Variants in CNTRL observed in about 807,000 individuals in gnomAD.
CNTRL encodes centriolin.
A neutral mutation model predicts 303.7 loss-of-function variants in CNTRL; 233 were observed. That is an observed-to-expected ratio of 0.77 (90% CI 0.69 to 0.86). The LOEUF (loss-of-function observed/expected upper bound fraction) is 0.86. Ranked by LOEUF, CNTRL falls within the 40% of genes least tolerant of loss-of-function variation. The pLI is 0.00. For missense variants in CNTRL, 2,524 were observed against 2,650.6 expected (o/e 0.95, Z 1.05); for synonymous variants, 900 against 922.2 (o/e 0.98, Z 0.44).
chr9:121,126,408 T>G (rs2050526844), intron 14 of CNTRL, among the ~76,000 whole-genome samples: 1 of 152,220 alleles, frequency 6.6e-6, no homozygotes, highest in Non-Finnish European at 1.5e-5. Context: ...GAGATTTCCC[T>G]TGCTCTATTT....
intron 2 of CNTRL, among the ~76,000 whole-genome samples, chr9:121,087,806 G>T (rs188567287): frequency 2.5e-3 from 383 of 152,310 alleles, no homozygotes; most frequent in Non-Finnish European, 4.2e-3. Context: ...GAGGAGTTCT[G>T]ATGTTTAAAT....
intron 27 of CNTRL, among the ~76,000 whole-genome samples, chr9:121,155,914 A>C (rs1344029126): frequency 6.6e-6 from 1 of 152,186 alleles, no homozygotes. Context: ...GTATTTTGCT[A>C]TTTCAACATG....
At chr9:121,148,132 G>A (rs17220806) in intron 23 of CNTRL, among the ~76,000 whole-genome samples, 2,990 of 152,192 alleles carry the variant, frequency 0.02, 59 homozygotes, top group Admixed American at 0.039. Flanking sequence ...GCTGACACCC[G>A]GGAGTCTCAT....
Position 121,118,529 on chromosome 9 carries a change from G to C in CNTRL, c.1639G>C (p.Asp547His). The C allele has an allele frequency of 1.9e-6, 3 of 1,596,242 alleles. No individual in the cohort carries two copies. The highest frequency in any genetic ancestry group is 2.6e-6 in the Non-Finnish European group (3 of 1,171,398). ...AGCCATAGATAGCCTGGATTCCAAAGACCCAAAACATGTGAGTAAATTAAG... is the reference window on the plus strand; with the variant it reads ...AGCCATAGATAGCCTGGATTCCAAACACCCAAAACATGTGAGTAAATTAAG... ...QIAIDSLDSK[D>H]PKHSHMKAQK... Residue 547 changes from aspartate (D) to histidine (H), a missense_variant, in exon 12 of 44, where the codon GAC becomes CAC. By Grantham distance (81) the Asp-to-His change is moderately conservative (BLOSUM62 -1). Transcript: ENST00000373855.
intron 40 of CNTRL, among the ~76,000 whole-genome samples, chr9:121,172,595 T>G (rs2053357574): frequency 6.6e-6 from 1 of 152,034 alleles, no homozygotes; most frequent in Non-Finnish European, 1.5e-5. Flanking sequence ...GAGCCAAGAT[T>G]GTGCCACCGC....
At chr9:121,136,069 T>G (rs1457449285) in intron 15 of CNTRL, 87 bp downstream of exon 15, 1 of 1,258,424 alleles carries the variant, frequency 7.9e-7, no homozygotes, top group Non-Finnish European at 1.1e-6. Context: ...TAATTTAAAA[T>G]TAAGCGTTTT....
intron 43 of CNTRL, among the ~76,000 whole-genome samples, chr9:121,176,927 T>A (rs1019399520): frequency 1.0e-5 from 1 of 97,292 alleles, no homozygotes; most frequent in African/African-American, 2.7e-5. Context: ...GGATAGATGT[T>A]ACAGATTTTT....
chr9:121,097,496 A>G (rs1397362502), intron 6 of CNTRL, among the ~76,000 whole-genome samples: 1 of 152,218 alleles, frequency 6.6e-6, no homozygotes, highest in African/African-American at 2.4e-5. Flanking sequence ...TTAAGCCTTC[A>G]CCAGTGGAGG....
chr9:121,155,608 C>T (rs953930253), intron 27 of CNTRL, among the ~76,000 whole-genome samples: 1 of 152,184 alleles, frequency 6.6e-6, no homozygotes, highest in African/African-American at 2.4e-5. Flanking sequence ...CAGGCGTGAG[C>T]CACTGCGCCT....
Position 121,173,273 on chromosome 9 carries a change from C to A in CNTRL, c.6448C>A (p.Gln2150Lys), listed in dbSNP as rs372471541. The change falls in exon 41 of 44, where the codon CAA (glutamine) becomes AAA (lysine). Residue 2150 changes from glutamine to lysine, a missense_variant. By Grantham distance (53) the Gln-to-Lys change is moderately conservative (BLOSUM62 1). Transcript: ENST00000373855. ...AAACCAAAAAGATTTGGAGAGAAGA[C>A]AAATGGAAATCAGTGATGCAATGAG... Reference protein sequence around the residue: ...MANQKDLERRQMEISDAMRTL... With the variant: ...MANQKDLERRKMEISDAMRTL... The A allele has an allele frequency of 3.5e-5, 56 of 1,611,930 alleles. No individual in the cohort carries two copies. The highest frequency in any genetic ancestry group is 4.2e-5 in the Non-Finnish European group (49 of 1,178,910).
intron 26 of CNTRL, among the ~76,000 whole-genome samples, chr9:121,153,914 T>C (rs72760243): frequency 1.1e-3 from 175 of 152,314 alleles, no homozygotes; most frequent in Non-Finnish European, 1.7e-3. Context: ...GTTTGAAGGT[T>C]AGGCAGATGG....
chr9:121,130,215 C>T (rs909068185), intron 14 of CNTRL, among the ~76,000 whole-genome samples: 3 of 152,124 alleles, frequency 2.0e-5, no homozygotes, highest in African/African-American at 4.8e-5. Flanking sequence ...GTACCAGCTC[C>T]TCTTTGTACC....
intron 7 of CNTRL, among the ~76,000 whole-genome samples, chr9:121,105,575 G>A (rs928923832): frequency 2.0e-5 from 3 of 152,314 alleles, no homozygotes; most frequent in Middle Eastern, 3.4e-3. Flanking sequence ...AGCTCACTCA[G>A]GCAGTGGTTG....
intron 5 of CNTRL, 40 bp from the exon 6 acceptor site, chr9:121,096,382 A>C: frequency 2.2e-6 from 3 of 1,356,708 alleles, no homozygotes. Context: ...AGACTCTATA[A>C]TTGTACTCAC....
At chr9:121,155,708 A>G (rs1194275676) in intron 27 of CNTRL, among the ~76,000 whole-genome samples, 4 of 152,202 alleles carry the variant, frequency 2.6e-5, no homozygotes, top group Non-Finnish European at 4.4e-5. Context: ...GTGGCTACAC[A>G]TGGCCATTTT....
rs558532435 is a variant in CNTRL, at chr9:121,097,368, A to G, written c.621+805A>G. ...TCCCTCTAAAACCACTGTTTGGGGAAAACAATCCCTATACTGCCTCCTTTA... is the reference window on the plus strand; with the variant it reads ...TCCCTCTAAAACCACTGTTTGGGGAGAACAATCCCTATACTGCCTCCTTTA... On this transcript the variant is annotated intron_variant, in intron 6 of 43. Transcript: ENST00000373855. Among the ~76,000 whole-genome samples, 3 of 152,304 alleles carry G rather than the reference A, an allele frequency of 2.0e-5. No individual in the cohort carries two copies. The East Asian group carries it at 5.8e-4, about 29-fold the overall frequency.
chr9:121,111,706 G>T (rs1226212695), intron 8 of CNTRL, among the ~76,000 whole-genome samples: 1 of 152,046 alleles, frequency 6.6e-6, no homozygotes, highest in Non-Finnish European at 1.5e-5. Context: ...TTTAGTTTCT[G>T]ACACTGATCT....
chr9:121,151,384 C>CTTTTTTT (rs200247383), intron 25 of CNTRL, among the ~76,000 whole-genome samples: 1,867 of 91,100 alleles, frequency 0.02, 111 homozygotes, highest in South Asian at 0.046. Context: ...CTTTTTTCTT[C>CTTTTTTT]TTCTTTTTTT....
chr9:121,138,441 T>C, intron 15 of CNTRL, 104 bp from the exon 16 acceptor site: 1 of 1,182,316 alleles, frequency 8.5e-7, no homozygotes, highest in South Asian at 1.6e-5. Flanking sequence ...TGTAAAACTA[T>C]AGCTAGCAAG....
Sources: gnomAD v4.1 joint callset for allele counts (sites outside exome capture counted in the v4.1 genomes callset) on GRCh38, gnomAD v4.1.1 for gene constraint, MANE v1.5 for transcripts, NCBI Gene and HGNC (gene_info 2026-07-23, HGNC 2026-07-21) for gene names.